Variants in EVI2B observed in about 807,000 individuals in gnomAD.
EVI2B encodes protein EVI2B.
EVI2B carries 4 observed loss-of-function variants against 6.6 expected under a neutral mutation model. The observed-to-expected ratio is 0.61, with a 90% CI of 0.30 to 1.39. The LOEUF is 1.39. Among genes scored for constraint, EVI2B ranks in the 40% most tolerant of loss-of-function variants. The probability of loss-of-function intolerance (pLI) is 0.08; values close to 1 mark genes in which losing one functional copy is unlikely to be tolerated. For missense variants in EVI2B, 484 were observed against 516.6 expected, an observed-to-expected ratio of 0.94 and a Z score of 0.61; for synonymous variants, 181 against 186.8, an observed-to-expected ratio of 0.97 and a Z score of 0.25.
In EVI2B at chr17:31,304,768, G is replaced by A. The variant is rs375337537; in HGVS notation, c.842C>T (p.Thr281Ile). Residue 281 changes from threonine (T) to isoleucine (I), a missense_variant, in exon 2 of 2, where the codon ACA becomes ATA. By Grantham distance (89) the Thr-to-Ile change is moderately conservative (BLOSUM62 -1). Coordinates refer to ENST00000330927, the MANE Select transcript of EVI2B (RefSeq NM_006495.4). The part of the protein sequence containing the change: ...SLTPWKPSKS[T>I]LLADDLEIKL... Reference sequence around the variant, plus strand: ...AATTTCTAAGTCATCTGCTAAAAGTGTGCTTTTGCTTGGTTTCCAGGGTGT... The same window carrying A: ...AATTTCTAAGTCATCTGCTAAAAGTATGCTTTTGCTTGGTTTCCAGGGTGT... 1.6e-5 allele frequency: 26 copies of A among 1,614,006 alleles called. 1 individual carries two copies. Among genetic ancestry groups the A allele is most frequent in the African/African-American group, 4.0e-5 (3 of 74,914 alleles).
At chr17:31,309,488 T>G (rs1773989209) in intron 1 of EVI2B, among the ~76,000 whole-genome samples, 1 of 152,166 alleles carries the variant, frequency 6.6e-6, no homozygotes, top group South Asian at 2.1e-4. Context: ...TTCCTACCCA[T>G]TATTCTTATA....
At chr17:31,313,229 T>C (rs1301000717) in intron 1 of EVI2B, among the ~76,000 whole-genome samples, 1 of 152,216 alleles carries the variant, frequency 6.6e-6, no homozygotes, top group Non-Finnish European at 1.5e-5. Flanking sequence ...TACAAAAATT[T>C]TAATTTATGC....
intron 1 of EVI2B, among the ~76,000 whole-genome samples, chr17:31,309,471 C>T (rs537040578): frequency 6.6e-6 from 1 of 152,274 alleles, no homozygotes; most frequent in African/African-American, 2.4e-5. Flanking sequence ...GGTCATCATC[C>T]ATGCAGTTCC....
At chr17:31,307,985 T>G in intron 1 of EVI2B, 3 of 1,194,678 alleles carry the variant, frequency 2.5e-6, no homozygotes, top group Non-Finnish European at 3.3e-6. Flanking sequence ...AAAAGATATG[T>G]GATTTTTTTC....
At chr17:31,311,770 T>C (rs1423642964) in intron 1 of EVI2B, among the ~76,000 whole-genome samples, 1 of 152,204 alleles carries the variant, frequency 6.6e-6, no homozygotes, top group Non-Finnish European at 1.5e-5. Flanking sequence ...AATACAAAAA[T>C]CATGCTAATC....
At chr17:31,312,558 C>T (rs1200967837) in intron 1 of EVI2B, among the ~76,000 whole-genome samples, 1 of 147,542 alleles carries the variant, frequency 6.8e-6, no homozygotes, top group African/African-American at 2.5e-5. Context: ...ATGACAAAAA[C>T]ACACCATAAG....
Position 31,305,330 on chromosome 17 carries a change from C to G in EVI2B, c.280G>C (p.Ala94Pro). 6.2e-7 allele frequency: 1 copy of G among 1,614,130 alleles called. No homozygotes were observed. The highest frequency in any genetic ancestry group is 8.5e-7 in the Non-Finnish European group (1 of 1,180,026). The change falls in exon 2 of 2, where the codon GCA (alanine) becomes CCA (proline). Residue 94 changes from alanine (A) to proline (P), a missense_variant. By Grantham distance (27) the Ala-to-Pro change is conservative (BLOSUM62 -1). Transcript: ENST00000330927. ...AVYTSSEKPE[A>P]HTSAGQPLAY... ...AGTGGTTGTCCAGCAGAAGTATGTGCTTCTGGTTTTTCAGAAGAGGTATAG... is the reference window on the plus strand; with the variant it reads ...AGTGGTTGTCCAGCAGAAGTATGTGGTTCTGGTTTTTCAGAAGAGGTATAG...
At chr17:31,313,678 C>A (rs1211229676) in intron 1 of EVI2B, among the ~76,000 whole-genome samples, 1 of 148,598 alleles carries the variant, frequency 6.7e-6, no homozygotes, top group African/African-American at 2.5e-5. Flanking sequence ...TGCACTCCAG[C>A]CTGGGAGACA....
rs2068656436 is a variant in EVI2B, at chr17:31,304,553, T to C, written c.1057A>G (p.Asn353Asp). The C allele has an allele frequency of 6.2e-7, 1 of 1,614,206 alleles. No individual in the cohort carries two copies. The highest frequency in any genetic ancestry group is 8.5e-7 in the Non-Finnish European group (1 of 1,180,024). The stretch of plus-strand genomic sequence containing the variant: ...GTCATTGTGGGTTTGTCAGATTGGT[T>C]ACTTTCCTGTCCTTCCAAATCCAGA... ...PLLDLEGQES[N>D]QSDKPTMTIV... The change falls in exon 2 of 2, where the codon AAC becomes GAC. Residue 353 changes from asparagine to aspartate, a missense_variant. Coordinates refer to ENST00000330927, the MANE Select transcript of EVI2B (RefSeq NM_006495.4).
chr17:31,311,267 A>G (rs2151517149), intron 1 of EVI2B, among the ~76,000 whole-genome samples: 1 of 152,248 alleles, frequency 6.6e-6, no homozygotes, highest in East Asian at 1.9e-4. Flanking sequence ...ACATGTTCTT[A>G]TAAATATAAT....
At chr17:31,308,270 T>C (rs576368858) in intron 1 of EVI2B, among the ~76,000 whole-genome samples, 99 of 152,088 alleles carry the variant, frequency 6.5e-4, no homozygotes, top group African/African-American at 2.3e-3. Context: ...CCCGAGTAGC[T>C]GGGACTACAG....
At chr17:31,313,478 C>T (rs542245237) in intron 1 of EVI2B, among the ~76,000 whole-genome samples, 43 of 151,942 alleles carry the variant, frequency 2.8e-4, no homozygotes, top group African/African-American at 7.7e-4. Flanking sequence ...CGGAGGTAAG[C>T]GGATCACCCA....
chr17:31,312,890 C>T (rs183334263), intron 1 of EVI2B, among the ~76,000 whole-genome samples: 1 of 152,182 alleles, frequency 6.6e-6, no homozygotes, highest in African/African-American at 2.4e-5. Context: ...TTACCCACAG[C>T]AAGCATCTTT....
chr17:31,313,706 A>C (rs1176062230), intron 1 of EVI2B, among the ~76,000 whole-genome samples: 2 of 97,650 alleles, frequency 2.0e-5, no homozygotes, highest in African/African-American at 1.6e-4. Context: ...ACTCTATCTC[A>C]AAAAAAAAAA....
chr17:31,304,246 AAAGC>A lies in EVI2B; in HGVS notation c.*13_*16del, dbSNP rs780913673. On this transcript the variant is annotated 3_prime_UTR_variant, in exon 2 of 2. Transcript: ENST00000330927. ...CATTTGAGGATGGAAGATCAGCTAA[AAAGC>A]AAGTTGTAATATTTATAACAGTTCT... 1 of 1,560,368 alleles carries A rather than the reference AAAGC, an allele frequency of 6.4e-7. No homozygotes were observed. The highest frequency in any genetic ancestry group is 8.7e-7 in the Non-Finnish European group (1 of 1,155,748).
chr17:31,304,788 G>C lies in EVI2B; in HGVS notation c.822C>G (p.Pro274=). ...TKRTSIISLT[P]WKPSKSTLLA... ...AAAGTGTGCTTTTGCTTGGTTTCCA[G>C]GGTGTAAGTGAAATGATTGATGTAC... Residue 274 remains proline, a synonymous_variant, in exon 2 of 2, where the codon CCC becomes CCG. Coordinates refer to ENST00000330927, the MANE Select transcript of EVI2B (RefSeq NM_006495.4). 1 of 1,613,970 alleles carries C rather than the reference G, an allele frequency of 6.2e-7. No homozygotes were observed. The highest frequency in any genetic ancestry group is 2.2e-5 in the East Asian group (1 of 44,880).
chr17:31,307,922 C>G, intron 1 of EVI2B: 6 of 1,289,104 alleles, frequency 4.7e-6, no homozygotes, highest in Non-Finnish European at 6.1e-6. Context: ...TCATTGCTTA[C>G]TCCTCTACCA....
In EVI2B at chr17:31,305,335, G is replaced by T. The variant is rs1181763291; in HGVS notation, c.275C>A (p.Pro92Gln). ...TPAVYTSSEK[P>Q]EAHTSAGQPL... ...TTGTCCAGCAGAAGTATGTGCTTCT[G>T]GTTTTTCAGAAGAGGTATAGACAGC... The change falls in exon 2 of 2, where the codon CCA becomes CAA. Residue 92 changes from proline to glutamine, a missense_variant. Transcript: ENST00000330927. 6.2e-7 allele frequency: 1 copy of T among 1,614,128 alleles called. No homozygotes were observed. Among genetic ancestry groups the T allele is most frequent in the South Asian group, 1.1e-5 (1 of 91,080 alleles).
Position 31,304,065 on chromosome 17 carries a change from A to G in EVI2B, c.*198T>C, listed in dbSNP as rs1018349030. ...ACTATACTTTAAAGATAGGTACTAT[A>G]ATTAGTAAATAGATTACTGTTAAAT... On this transcript the variant is annotated 3_prime_UTR_variant, in exon 2 of 2. Transcript: ENST00000330927. 28 of 504,052 alleles carry G rather than the reference A, an allele frequency of 5.6e-5. No individual in the cohort carries two copies. The highest frequency in any genetic ancestry group is 9.7e-5 in the Non-Finnish European group (28 of 288,274). 31.2% of individuals were successfully genotyped at this position (504,052 alleles called of 1,614,324 possible). A position where few individuals can be genotyped will look rare whatever the true frequency, so the allele number is the denominator to read the frequency against.
Sources: gnomAD v4.1 joint callset for allele counts (sites outside exome capture counted in the v4.1 genomes callset) on GRCh38, gnomAD v4.1.1 for gene constraint, MANE v1.5 for transcripts, NCBI Gene and HGNC (gene_info 2026-07-23, HGNC 2026-07-21) for gene names.